SIAH2: variants seen among roughly 807,000 people sequenced by gnomAD.
SIAH2 encodes E3 ubiquitin-protein ligase SIAH2.
SIAH2 carries 4 observed loss-of-function variants against 20.4 expected under a neutral mutation model. The ratio of observed to expected loss-of-function variants is 0.20; its 90% CI spans 0.10 to 0.45. SIAH2 has a LOEUF of 0.45. Ranked by LOEUF, SIAH2 falls within the 20% of genes least tolerant of loss-of-function variation. The pLI, the probability that SIAH2 is intolerant of heterozygous loss-of-function variation, is 0.99. For missense variants in SIAH2, 259 were observed against 440.3 expected, an observed-to-expected ratio of 0.59 and a Z score of 3.69; for synonymous variants, 171 against 192.5, an observed-to-expected ratio of 0.89 and a Z score of 0.93.
rs1714607692 is a variant in SIAH2 at position 150,761,455 on chromosome 3, A to G, written c.417+978T>C. Among the ~76,000 whole-genome samples, 4 of 152,262 alleles carry G rather than the reference A, an allele frequency of 2.6e-5. No individual in the cohort carries two copies. The South Asian group carries it at 8.3e-4, about 31-fold the overall frequency. ...CAGGCATAGAGAAATATGTGTGATA[A>G]TATGAATTTAAGAACAGCAAGTTGC... is the stretch of plus-strand genomic sequence containing the variant. On this transcript the variant is annotated intron_variant, in intron 1 of 1. Transcript: ENST00000312960.
Position 150,759,091 on chromosome 3 carries a change from A to G in SIAH2, c.417+3342T>C, listed in dbSNP as rs1416183348. On this transcript the variant is annotated intron_variant, in intron 1 of 1. Coordinates refer to ENST00000312960, the MANE Select transcript of SIAH2 (RefSeq NM_005067.7). ...GAGACAGGGTTTCACTATGTTGTCC[A>G]GGCTGGTCTCGAACTCCTGACCTCA... Among the ~76,000 whole-genome samples the G allele has an allele frequency of 6.6e-5, 10 of 152,058 alleles. 1 individual carries two copies. Among genetic ancestry groups the G allele is most frequent in the Non-Finnish European group, 1.5e-4 (10 of 67,996 alleles).
intron 1 of SIAH2, among the ~76,000 whole-genome samples, chr3:150,744,761 A>T (rs1025739856): frequency 2.0e-5 from 3 of 152,184 alleles, no homozygotes; most frequent in Non-Finnish European, 4.4e-5. Context: ...ACTTTGGCCA[A>T]TGGCACCCAG....
rs1412799181 is a variant in SIAH2, at chr3:150,741,329, A to T, written c.*812T>A. Reference sequence around the variant, plus strand: ...CGGGTCATCTGTACTAGTGGTGAGCAAAACTAATTACATGAGAACTATCAA... The same window carrying T: ...CGGGTCATCTGTACTAGTGGTGAGCTAAACTAATTACATGAGAACTATCAA... On this transcript the variant is annotated 3_prime_UTR_variant, in exon 2 of 2. Transcript: ENST00000312960. The T allele has an allele frequency of 6.6e-6, 1 of 152,638 alleles. No homozygotes were observed. Among genetic ancestry groups the T allele is most frequent in the Admixed American group, 6.5e-5 (1 of 15,274 alleles). The allele number at this position is 152,638 out of a possible 1,614,324, so 9.5% of individuals were successfully genotyped here.
At chr3:150,744,328 T>A (rs1714164786) in intron 1 of SIAH2, among the ~76,000 whole-genome samples, 1 of 152,210 alleles carries the variant, frequency 6.6e-6, no homozygotes, top group South Asian at 2.1e-4. Context: ...CTAAGCGGAT[T>A]ATAATATTTA....
Position 150,742,603 on chromosome 3 carries a change from A to G in SIAH2, c.513T>C (p.Pro171=). 6.2e-7 allele frequency: 1 copy of G among 1,613,114 alleles called. No homozygotes were observed. The highest frequency in any genetic ancestry group is 8.5e-7 in the Non-Finnish European group (1 of 1,179,492). The stretch of plus-strand genomic sequence containing the variant: ...ACCCCTGCCACTTGCAGGAAGCACC[A>G]GGACATGGGCAGGAGTAGGGACGGT... ...CEYRPYSCPC[P]GASCKWQGSL... Residue 171 remains proline, a synonymous_variant, in exon 2 of 2, where the codon CCT becomes CCC. Coordinates refer to ENST00000312960, the MANE Select transcript of SIAH2 (RefSeq NM_005067.7). This position sits in a 1 kb window ranked among gnomAD's most constrained non-coding sequence, Gnocchi z 4.8.
At chr3:150,747,916 A>G (rs369354098) in intron 1 of SIAH2, among the ~76,000 whole-genome samples, 1 of 140,340 alleles carries the variant, frequency 7.1e-6, no homozygotes, top group African/African-American at 2.7e-5. Context: ...GTGAGCCATG[A>G]TTGTGCCACT....
At chr3:150,748,399 A>C (rs935196138) in intron 1 of SIAH2, among the ~76,000 whole-genome samples, 1 of 152,242 alleles carries the variant, frequency 6.6e-6, no homozygotes, top group Non-Finnish European at 1.5e-5. Flanking sequence ...CTTCTTAGCC[A>C]TGGTGCTAGT....
At chr3:150,750,452 A>T (rs1458574788) in intron 1 of SIAH2, among the ~76,000 whole-genome samples, 1 of 152,242 alleles carries the variant, frequency 6.6e-6, no homozygotes, top group Non-Finnish European at 1.5e-5. Context: ...TTTAAAAAAA[A>T]ATCAATAGAT....
intron 1 of SIAH2, among the ~76,000 whole-genome samples, chr3:150,755,131 G>A (rs1287250594): frequency 6.6e-6 from 1 of 152,016 alleles, no homozygotes; most frequent in African/African-American, 2.4e-5. Flanking sequence ...GAGGTCACCA[G>A]CCAGTCACAG....
chr3:150,761,327 T>A (rs993309502), intron 1 of SIAH2, among the ~76,000 whole-genome samples: 1 of 152,246 alleles, frequency 6.6e-6, no homozygotes, highest in African/African-American at 2.4e-5. Context: ...AAACTGCTCC[T>A]GAAGGTTTCC....
chr3:150,754,218 T>C (rs1406316143), intron 1 of SIAH2, among the ~76,000 whole-genome samples: 7 of 152,230 alleles, frequency 4.6e-5, no homozygotes, highest in East Asian at 1.9e-4. Flanking sequence ...AGAGGTTTAA[T>C]TGGCTCACGG....
In SIAH2 at chr3:150,762,525, T is replaced by C; in HGVS notation, c.325A>G (p.Ser109Gly). ...LVCNQCRQKL[S>G]CCPTCRGALT... ...GCGCCCCTGCACGTCGGGCAGCAGC[T>C]CAACTTCTGGCGGCATTGGTTACAC... Residue 109 changes from serine (S) to glycine (G), a missense_variant, in exon 1 of 2, where the codon AGC becomes GGC. By Grantham distance (56) the Ser-to-Gly change is moderately conservative (BLOSUM62 0). This residue lies in a region of SIAH2 where 160 missense variants were observed against 327.6 expected (regional missense o/e 0.49). Transcript: ENST00000312960. The surrounding 1 kb of genome is among the most constrained non-coding windows in gnomAD (Gnocchi z 6.6). 1 of 1,613,580 alleles carries C rather than the reference T, an allele frequency of 6.2e-7. No individual in the cohort carries two copies. Among genetic ancestry groups the C allele is most frequent in the East Asian group, 2.2e-5 (1 of 44,832 alleles).
At chr3:150,761,632 AAGG>A (rs1714611874) in intron 1 of SIAH2, among the ~76,000 whole-genome samples, 1 of 152,168 alleles carries the variant, frequency 6.6e-6, no homozygotes, top group Non-Finnish European at 1.5e-5. Flanking sequence ...AATGGTGGGA[AAGG>A]AGGGGAGAGA....
intron 1 of SIAH2, among the ~76,000 whole-genome samples, chr3:150,743,338 C>A (rs564154437): frequency 2.6e-5 from 4 of 152,352 alleles, no homozygotes; most frequent in African/African-American, 9.6e-5. Flanking sequence ...GACCTTCCCT[C>A]TGGGGGGCTT....
Position 150,741,985 on chromosome 3 carries a change from T to C in SIAH2, c.*156A>G, listed in dbSNP as rs998999468. On this transcript the variant is annotated 3_prime_UTR_variant, in exon 2 of 2. Transcript: ENST00000312960. ...ATTCATCCCAGGTTAATGAACTTTG[T>C]TGGGTCGAAGCCAGATGGGACACTG... The C allele has an allele frequency of 5.7e-6, 4 of 703,900 alleles. No individual in the cohort carries two copies. The highest frequency in any genetic ancestry group is 6.0e-5 in the Admixed American group (2 of 33,102). The allele number at this position is 703,900 out of a possible 1,614,324, so 43.6% of individuals were successfully genotyped here.
rs762708123 is a variant in SIAH2, at chr3:150,762,514, C to T, written c.336G>A (p.Pro112=). Residue 112 remains proline, a synonymous_variant, in exon 1 of 2, where the codon CCG becomes CCA. Transcript: ENST00000312960. The surrounding 1 kb of genome is among the most constrained non-coding windows in gnomAD (Gnocchi z 6.6). ...NQCRQKLSCC[P]TCRGALTPSI... ...TGGGCGTCAGGGCGCCCCTGCACGTCGGGCAGCAGCTCAACTTCTGGCGGC... is the reference window on the plus strand; with the variant it reads ...TGGGCGTCAGGGCGCCCCTGCACGTTGGGCAGCAGCTCAACTTCTGGCGGC... The T allele has an allele frequency of 1.2e-6, 2 of 1,613,460 alleles. No individual in the cohort carries two copies. Among genetic ancestry groups the T allele is most frequent in the African/African-American group, 1.3e-5 (1 of 74,892 alleles).
chr3:150,762,623 G>T lies in SIAH2; in HGVS notation c.227C>A (p.Ser76Ter). 1 of 1,610,110 alleles carries T rather than the reference G, an allele frequency of 6.2e-7. No homozygotes were observed. Among genetic ancestry groups the T allele is most frequent in the Non-Finnish European group, 8.5e-7 (1 of 1,178,888 alleles). Residue 76 changes from serine (S) to a stop codon, truncating the protein, a stop_gained, in exon 1 of 2, where the codon TCG becomes TAG. Transcript: ENST00000312960. LOFTEE classifies it high-confidence loss of function. This position sits in a 1 kb window ranked among gnomAD's most constrained non-coding sequence, Gnocchi z 6.6. ...AAAGCAGACCGGACACTCGAAGAGC[G>T]AGGTCAGCTCGTGGTGCTGCGGGGA... ...PVSPQHHELTSLFECPVCFDY... is the reference protein window; with the variant it reads ...PVSPQHHELT
At chr3:150,755,886 A>G (rs1206561947) in intron 1 of SIAH2, among the ~76,000 whole-genome samples, 1 of 151,358 alleles carries the variant, frequency 6.6e-6, no homozygotes, top group Non-Finnish European at 1.5e-5. Flanking sequence ...TCCTGACCTC[A>G]TGATCTGCCC....
Position 150,762,916 on chromosome 3 carries a change from T to C in SIAH2, c.-67A>G. On this transcript the variant is annotated 5_prime_UTR_variant, in exon 1 of 2. Coordinates refer to ENST00000312960, the MANE Select transcript of SIAH2 (RefSeq NM_005067.7). This position sits in a 1 kb window ranked among gnomAD's most constrained non-coding sequence, Gnocchi z 6.6. Reference sequence around the variant, plus strand: ...CGCGGGGCCGCCCGGGTCAAGGCGGTGCGCGCCCCGCGGGCAGCGAGCTCC... The same window carrying C: ...CGCGGGGCCGCCCGGGTCAAGGCGGCGCGCGCCCCGCGGGCAGCGAGCTCC... 1 of 1,123,646 alleles carries C rather than the reference T, an allele frequency of 8.9e-7. No individual in the cohort carries two copies. Among genetic ancestry groups the C allele is most frequent in the Non-Finnish European group, 1.1e-6 (1 of 910,560 alleles). The allele number at this position is 1,123,646 out of a possible 1,614,324, so 69.6% of individuals were successfully genotyped here.
Sources: allele counts gnomAD v4.1 joint callset (sites outside exome capture counted in the v4.1 genomes callset), GRCh38; gene constraint gnomAD v4.1.1; regional missense constraint gnomAD v4.1.1; non-coding constraint Gnocchi (gnomAD v3.1); transcripts MANE v1.5; gene names NCBI Gene and HGNC (gene_info 2026-07-23, HGNC 2026-07-21).